The following KIF9 variants were observed in gnomAD, a reference collection of about 807,000 sequenced individuals.
The protein encoded by KIF9 is kinesin family member 9.
Under a neutral mutation model 94.8 loss-of-function variants are expected in KIF9, and 68 were observed. The observed-to-expected ratio is 0.72, with a 90% confidence interval of 0.59 to 0.88. The LOEUF (loss-of-function observed/expected upper bound fraction) is 0.88, where lower values mean the gene tolerates loss of function less well. Ranked by LOEUF, KIF9 falls within the 40% of genes least tolerant of loss-of-function variation. KIF9 has a pLI of 0.00. For synonymous variants in KIF9, 343 were observed against 362.1 expected, an observed-to-expected ratio of 0.95 and a Z score of 0.60; for missense variants, 882 against 982.5, an observed-to-expected ratio of 0.90 and a Z score of 1.37.
At chr3:47,260,269 ACAATTGTCTTGT>A (rs1452459589) in intron 9 of KIF9, among the ~76,000 whole-genome samples, 2 of 145,742 alleles carry the variant, frequency 1.4e-5, no homozygotes, top group African/African-American at 5.1e-5. Flanking sequence ...CCCTCTCCCC[ACAATTGTCTTGT>A]GACCCTGACA....
intron 18 of KIF9, 63 bp from the exon 19 acceptor site, chr3:47,236,212 CTT>C (rs1031486302): frequency 2.4e-6 from 3 of 1,268,102 alleles, no homozygotes; most frequent in South Asian, 2.4e-5. Context: ...TGTCATCTGT[CTT>C]ATATCTGTTG....
intron 2 of KIF9, among the ~76,000 whole-genome samples, chr3:47,276,737 T>C (rs1485677265): frequency 6.6e-6 from 1 of 152,180 alleles, no homozygotes; most frequent in African/African-American, 2.4e-5. Context: ...CCTTGAATTT[T>C]TCCTTTGAAG....
At chr3:47,249,213 T>C (rs1436736183) in intron 10 of KIF9, among the ~76,000 whole-genome samples, 1 of 151,738 alleles carries the variant, frequency 6.6e-6, no homozygotes, top group Non-Finnish European at 1.5e-5. Flanking sequence ...TGGCGCAATC[T>C]TGGCTCACCG....
At chr3:47,262,105 G>A (rs928208466) in intron 9 of KIF9, among the ~76,000 whole-genome samples, 8 of 152,100 alleles carry the variant, frequency 5.3e-5, no homozygotes, top group South Asian at 4.1e-4. Context: ...ACAAGCCCCC[G>A]GAGACTGCGG....
chr3:47,235,040 C>A (rs1410492682), intron 20 of KIF9, among the ~76,000 whole-genome samples: 1 of 152,188 alleles, frequency 6.6e-6, no homozygotes, highest in Admixed American at 6.5e-5. Flanking sequence ...TGCACAGGGC[C>A]CTCTGTGTTC....
chr3:47,274,628 C>A (rs1701848563), intron 3 of KIF9, among the ~76,000 whole-genome samples: 1 of 152,212 alleles, frequency 6.6e-6, no homozygotes, highest in Non-Finnish European at 1.5e-5. Context: ...AGCTGCAAAT[C>A]AGAGCCCATT....
chr3:47,234,799 A>G (rs1698896720), intron 20 of KIF9, among the ~76,000 whole-genome samples: 1 of 150,530 alleles, frequency 6.6e-6, no homozygotes, highest in Non-Finnish European at 1.5e-5. Flanking sequence ...CAAGTGATCC[A>G]CCCACCTCAG....
intron 19 of KIF9, 127 bp downstream of exon 19, chr3:47,235,907 G>A (rs1698989693): frequency 1.4e-6 from 1 of 723,898 alleles, no homozygotes; most frequent in Non-Finnish European, 2.4e-6. Context: ...CACCTGCCTG[G>A]GCTGGCTGTG....
chr3:47,243,283 G>A (rs1375711351), intron 15 of KIF9, 38 bp from the exon 16 acceptor site: 1 of 1,544,046 alleles, frequency 6.5e-7, no homozygotes, highest in Non-Finnish European at 8.8e-7. Flanking sequence ...TTCAGTCATG[G>A]ACAGTGAGTT....
Position 47,236,615 on chromosome 3 carries a change from C to A in KIF9, c.1929G>T (p.Lys643Asn). 6.2e-7 allele frequency: 1 copy of A among 1,613,624 alleles called. No individual in the cohort carries two copies. Residue 643 changes from lysine to asparagine, a missense_variant, in exon 18 of 21, where the codon AAG (lysine) becomes AAT (asparagine). By Grantham distance (94) the Lys-to-Asn change is moderately conservative. Coordinates refer to ENST00000684063, the MANE Select transcript of KIF9 (RefSeq NM_182902.4). ...FQKSLREKQGKYENKGLMIID... is the reference protein window; with the variant it reads ...FQKSLREKQGNYENKGLMIID... ...TGATCATCAGCCCCTTGTTTTCGTA[C>A]TTGCCTGCAAGGTGATGGAAGAAGT... is the stretch of plus-strand genomic sequence containing the variant.
intron 16 of KIF9, among the ~76,000 whole-genome samples, chr3:47,241,753 A>G (rs1699521507): frequency 6.8e-6 from 1 of 146,262 alleles, no homozygotes; most frequent in African/African-American, 2.5e-5. Flanking sequence ...ATATATACGT[A>G]TATATACATA....
At chr3:47,269,726 C>A (rs968098227) in intron 5 of KIF9, among the ~76,000 whole-genome samples, 1 of 148,610 alleles carries the variant, frequency 6.7e-6, no homozygotes, top group African/African-American at 2.5e-5. Context: ...CTCAGCCCCC[C>A]GAGTAGCTGG....
intron 20 of KIF9, among the ~76,000 whole-genome samples, chr3:47,230,402 A>G (rs1425346562): frequency 6.6e-6 from 1 of 151,874 alleles, no homozygotes; most frequent in African/African-American, 2.4e-5. Flanking sequence ...ACATAGGGAG[A>G]CCCAGTCTCT....
intron 17 of KIF9, 111 bp downstream of exon 17, chr3:47,240,690 C>T: frequency 1.1e-6 from 1 of 870,540 alleles, no homozygotes; most frequent in Non-Finnish European, 1.9e-6. Flanking sequence ...CATCCCAGCA[C>T]CCCCACTGGC....
chr3:47,273,459 C>A (rs1701769332), intron 4 of KIF9, 93 bp downstream of exon 4: 2 of 930,158 alleles, frequency 2.2e-6, no homozygotes, highest in East Asian at 2.5e-5. Context: ...AGGCCTGGTC[C>A]CCACTGTCTC....
In KIF9 at chr3:47,247,399, G is replaced by C; in HGVS notation, c.1207C>G (p.Leu403Val). ...AEINSQVRRY[L>V]EGTLDEIDII... The stretch of plus-strand genomic sequence containing the variant: ...TCGATCTCGTCCAGTGTCCCCTCCA[G>C]GTACCTCCGCACCTGGGAGTTGATC... The change falls in exon 12 of 21, where the codon CTG becomes GTG. Residue 403 changes from leucine to valine, a missense_variant. By Grantham distance (32) the Leu-to-Val change is conservative. Transcript: ENST00000684063. 1 of 1,613,634 alleles carries C rather than the reference G, an allele frequency of 6.2e-7. No individual in the cohort carries two copies. The highest frequency in any genetic ancestry group is 8.5e-7 in the Non-Finnish European group (1 of 1,179,568).
chr3:47,264,175 C>G, intron 9 of KIF9, 111 bp downstream of exon 9: 1 of 837,730 alleles, frequency 1.2e-6, no homozygotes, highest in Non-Finnish European at 2.1e-6. Flanking sequence ...TCCTTCCACT[C>G]TTGACAATGT....
intron 16 of KIF9, among the ~76,000 whole-genome samples, chr3:47,241,861 TACAC>T (rs748922593): frequency 5.0e-5 from 6 of 120,118 alleles, no homozygotes; most frequent in South Asian, 5.2e-4. Flanking sequence ...TATATATATA[TACAC>T]ATATATATAT....
rs184957391 is a variant in KIF9 at position 47,252,962 on chromosome 3, G to A, written c.1059+4521C>T. ...TGGGAGGTGGAGGTTGCAGTGAGCC[G>A]ACATTGTGCCACTGCACTCCAGCAC... On this transcript the variant is annotated intron_variant, in intron 10 of 20. Transcript: ENST00000684063. 2.9e-4 allele frequency among the ~76,000 whole-genome samples: 44 copies of A among 151,554 alleles called. 1 individual carries two copies. The East Asian group carries it at 8.1e-3, about 28-fold the overall frequency.
Sources: allele counts gnomAD v4.1 joint callset (sites outside exome capture counted in the v4.1 genomes callset), GRCh38; gene constraint gnomAD v4.1.1; transcripts MANE v1.5; gene names NCBI Gene and HGNC (gene_info 2026-07-23, HGNC 2026-07-21).